SLC37A3: variants seen among roughly 807,000 people sequenced by gnomAD.
SLC37A3 encodes solute carrier family 37 member 3, also known as sugar phosphate exchanger 3.
Under a neutral mutation model 67.1 loss-of-function variants are expected in SLC37A3, and 51 were observed. The ratio of observed to expected loss-of-function variants is 0.76; its 90% confidence interval spans 0.61 to 0.96. SLC37A3 has a LOEUF of 0.96. Among genes scored for constraint, SLC37A3 ranks in the 40% least tolerant of loss-of-function variants. The pLI is 0.00. For missense variants in SLC37A3, 508 were observed against 603.0 expected, an observed-to-expected ratio of 0.84 and a Z score of 1.65; for synonymous variants, 214 against 231.4, an observed-to-expected ratio of 0.92 and a Z score of 0.68.
chr7:140,356,725 C>A lies in SLC37A3; in HGVS notation c.522-961G>T, dbSNP rs143394926. Among the ~76,000 whole-genome samples, 486 of 152,158 alleles carry A rather than the reference C, an allele frequency of 3.2e-3. 14 individuals carry two copies. The South Asian group carries it at 0.05, about 16-fold the overall frequency. ...AAAATGTTTTTAAAAAGATGCTCAA[C>A]GTCATTAGATATTAGAAAAATGGAA... On this transcript the variant is annotated intron_variant, in intron 6 of 14. Coordinates refer to ENST00000326232, the MANE Select transcript of SLC37A3 (RefSeq NM_207113.3).
chr7:140,393,577 G>A (rs1416912631), intron 1 of SLC37A3, among the ~76,000 whole-genome samples: 2 of 152,148 alleles, frequency 1.3e-5, no homozygotes, highest in African/African-American at 4.8e-5. Context: ...TCCACGAGAG[G>A]AGTGTTTTTG....
At chr7:140,382,867 G>A (rs1480782789) in intron 1 of SLC37A3, among the ~76,000 whole-genome samples, 2 of 151,230 alleles carry the variant, frequency 1.3e-5, no homozygotes, top group Non-Finnish European at 2.9e-5. Flanking sequence ...TAGAAAAAAT[G>A]AGCAAAGGAA....
intron 3 of SLC37A3, chr7:140,379,786 CA>C (rs1284515350): frequency 1.3e-5 from 2 of 150,866 alleles, no homozygotes; most frequent in Admixed American, 6.6e-5. Context: ...CCCAGCTACT[CA>C]GGGGGCTGAG....
rs147404251 is a variant in SLC37A3 at position 140,349,538 on chromosome 7, A to AG, written c.883-772dup. 8.6e-3 allele frequency among the ~76,000 whole-genome samples: 1,002 copies of AG among 116,518 alleles called. 6 individuals are homozygous for AG. Among genetic ancestry groups the AG allele is most frequent in the Middle Eastern group, 0.011 (2 of 190 alleles). 76.4% of individuals were successfully genotyped at this position (116,518 alleles called of 152,430 possible). ...CCTGACATTCAGCATCAAAGGAAAAAGGGGGGGGGGACAGAGGGGCTGACT... is the reference window on the plus strand; with the variant it reads ...CCTGACATTCAGCATCAAAGGAAAAAGGGGGGGGGGGACAGAGGGGCTGACT... On this transcript the variant is annotated intron_variant, in intron 9 of 14. Transcript: ENST00000326232.
Position 140,361,528 on chromosome 7 carries a change from CCCCTCCCT to C in SLC37A3, c.376-2751_376-2744del, listed in dbSNP as rs1563027347. On this transcript the variant is annotated intron_variant, in intron 5 of 14. Coordinates refer to ENST00000326232, the MANE Select transcript of SLC37A3 (RefSeq NM_207113.3). ...CCCCCTCCCCCTCCCCCTCCCCCTC[CCCCTCCCT>C]CTCTCCCTCTCCGTCTCCCTCTCTC... is the stretch of plus-strand genomic sequence containing the variant. Among the ~76,000 whole-genome samples the C allele has an allele frequency of 7.2e-4, 72 of 100,052 alleles. 5 individuals carry two copies. Among genetic ancestry groups the C allele is most frequent in the African/African-American group, 2.9e-3 (69 of 23,656 alleles). The allele number at this position is 100,052 out of a possible 152,430, so 65.6% of individuals were successfully genotyped here.
chr7:140,383,672 C>T (rs1249865038), intron 1 of SLC37A3, among the ~76,000 whole-genome samples: 1 of 151,780 alleles, frequency 6.6e-6, no homozygotes, highest in Non-Finnish European at 1.5e-5. Flanking sequence ...CCACTACTTC[C>T]AGTGGCTTTT....
intron 9 of SLC37A3, among the ~76,000 whole-genome samples, chr7:140,349,547 G>A (rs961972577): frequency 1.4e-5 from 2 of 146,454 alleles, no homozygotes; most frequent in African/African-American, 4.9e-5. Context: ...AAGGGGGGGG[G>A]GACAGAGGGG....
intron 1 of SLC37A3, among the ~76,000 whole-genome samples, chr7:140,394,280 T>TGAGAGAAC (rs1181725081): frequency 1.3e-4 from 20 of 152,222 alleles, no homozygotes; most frequent in Middle Eastern, 3.4e-3. Flanking sequence ...CATTACTGCA[T>TGAGAGAAC]TTAGTTCTCT....
chr7:140,365,459 A>G (rs1797559776), intron 4 of SLC37A3, among the ~76,000 whole-genome samples: 2 of 152,088 alleles, frequency 1.3e-5, no homozygotes, highest in Admixed American at 6.6e-5. Flanking sequence ...AGTAGCTCAC[A>G]CCTGTAATCC....
chr7:140,377,100 T>C (rs1798061860), intron 3 of SLC37A3, among the ~76,000 whole-genome samples: 1 of 151,896 alleles, frequency 6.6e-6, no homozygotes, highest in African/African-American at 2.4e-5. Context: ...TGCATCACCA[T>C]ACCCAGCTAA....
chr7:140,335,192 A>G lies in SLC37A3; in HGVS notation c.*220T>C, dbSNP rs1021034877. ...GAGTCAGAAGTCACTCGGCACATTC[A>G]TGAAACAACAGCAAAAATCATCAAC... is the stretch of plus-strand genomic sequence containing the variant. On this transcript the variant is annotated 3_prime_UTR_variant, in exon 15 of 15. Transcript: ENST00000326232. The G allele has an allele frequency of 8.8e-6, 14 of 1,587,684 alleles. No individual in the cohort carries two copies. The highest frequency in any genetic ancestry group is 1.2e-5 in the Non-Finnish European group (14 of 1,163,526).
chr7:140,365,593 C>T (rs987349937), intron 4 of SLC37A3, among the ~76,000 whole-genome samples: 7 of 152,102 alleles, frequency 4.6e-5, no homozygotes, highest in Non-Finnish European at 7.4e-5. Context: ...TGGTGGCTTG[C>T]GCCTGTAATC....
intron 13 of SLC37A3, chr7:140,337,817 T>C (rs1796201450): frequency 6.6e-6 from 1 of 152,476 alleles, no homozygotes; most frequent in African/African-American, 2.4e-5. Context: ...AAGGATCTAA[T>C]TGCACTTATT....
chr7:140,370,986 T>C (rs1797794845), intron 3 of SLC37A3, among the ~76,000 whole-genome samples: 1 of 152,126 alleles, frequency 6.6e-6, no homozygotes, highest in African/African-American at 2.4e-5. Context: ...TCAGAGTTGA[T>C]TGGCCTGGGA....
At chr7:140,351,569 G>A (rs1055569751) in intron 8 of SLC37A3, 118 bp from the exon 9 acceptor site, 5 of 1,082,304 alleles carry the variant, frequency 4.6e-6, no homozygotes, top group Admixed American at 2.7e-5. Flanking sequence ...AAGCAGCAAC[G>A]AAGGTCCAGA....
At chr7:140,396,884 T>TG (rs1382558414) in intron 1 of SLC37A3, among the ~76,000 whole-genome samples, 1 of 90,754 alleles carries the variant, frequency 1.1e-5, no homozygotes, top group Non-Finnish European at 2.5e-5. Context: ...CAATTTCTGT[T>TG]TTTTTTTTTG....
In SLC37A3 at chr7:140,334,357, AT is replaced by A. The variant is rs1251318832; in HGVS notation, c.*1054del. On this transcript the variant is annotated 3_prime_UTR_variant, in exon 15 of 15. Coordinates refer to ENST00000326232, the MANE Select transcript of SLC37A3 (RefSeq NM_207113.3). ...GTGTCCAGTCAGGGGTATTAAATGC[AT>A]TTGACTTCCAATGGGTTTACTGGGA... 2 of 152,326 alleles carry A rather than the reference AT, an allele frequency of 1.3e-5. No individual in the cohort carries two copies. Among genetic ancestry groups the A allele is most frequent in the Admixed American group, 6.5e-5 (1 of 15,272 alleles). The allele number at this position is 152,326 out of a possible 1,614,324, so 9.4% of individuals were successfully genotyped here.
intron 2 of SLC37A3, 25 bp from the exon 3 acceptor site, chr7:140,380,415 G>T: frequency 6.8e-7 from 1 of 1,476,766 alleles, no homozygotes; most frequent in South Asian, 1.1e-5. Flanking sequence ...GAATACAGAT[G>T]AATGAATAGC....
At position 140,369,682 on chromosome 7, in the gene SLC37A3, T is replaced by A. The variant is rs760705197; in HGVS notation, c.199A>T (p.Ile67Phe). The A allele has an allele frequency of 1.2e-6, 2 of 1,613,602 alleles. No homozygotes were observed. Among genetic ancestry groups the A allele is most frequent in the East Asian group, 4.5e-5 (2 of 44,874 alleles). Residue 67 changes from isoleucine (I) to phenylalanine (F), a missense_variant and splice_region_variant, in exon 4 of 15, where the codon ATC becomes TTC. Transcript: ENST00000326232. Reference protein sequence around the residue: ...FNTSVELPVEIWSSNHLFPSA... With the variant: ...FNTSVELPVEFWSSNHLFPSA... ...GGGAACAAATGGTTGCTGCTCCAGA[T>A]CTACAGTAAGACAGCAGGAACAGGT...
Sources: allele counts gnomAD v4.1 joint callset (sites outside exome capture counted in the v4.1 genomes callset), GRCh38; gene constraint gnomAD v4.1.1; transcripts MANE v1.5; gene names NCBI Gene and HGNC (gene_info 2026-07-23, HGNC 2026-07-21).